The following AGBL1 variants were observed in gnomAD, a reference collection of about 807,000 sequenced individuals.
AGBL1 encodes the protein AGBL carboxypeptidase 1.
AGBL1 carries 130 observed loss-of-function variants against 118.9 expected under a neutral mutation model. The ratio of observed to expected loss-of-function variants is 1.09; its 90% CI spans 0.95 to 1.26. The LOEUF (loss-of-function observed/expected upper bound fraction) is 1.26, where lower values mean the gene tolerates loss of function less well. Ranked by LOEUF, AGBL1 falls within the 50% of genes most tolerant of loss-of-function variation. The probability of loss-of-function intolerance (pLI) is 0.00; values close to 1 mark genes in which losing one functional copy is unlikely to be tolerated. For synonymous variants in AGBL1, 555 were observed against 478.9 expected, an observed-to-expected ratio of 1.16 and a Z score of -2.08; for missense variants, 1,584 against 1,298.1, an observed-to-expected ratio of 1.22 and a Z score of -3.38.
chr15:86,995,038 T>C (rs1226185920), intron 24 of AGBL1, among the ~76,000 whole-genome samples: 1 of 152,148 alleles, frequency 6.6e-6, no homozygotes, highest in Non-Finnish European at 1.5e-5. Flanking sequence ...TGTTACATTA[T>C]TTCCTTTAAT....
chr15:86,430,669 G>A (rs1295376801), intron 18 of AGBL1, among the ~76,000 whole-genome samples: 2 of 152,140 alleles, frequency 1.3e-5, no homozygotes, highest in African/African-American at 4.8e-5. Context: ...AGATGCATCA[G>A]TAATTTGCTG....
intron 22 of AGBL1, among the ~76,000 whole-genome samples, chr15:86,783,235 T>C (rs1205513698): frequency 2.0e-5 from 3 of 152,342 alleles, no homozygotes; most frequent in Non-Finnish European, 4.4e-5. Context: ...TGTTTATTCT[T>C]CTACCACGAG....
At chr15:86,550,537 A>C (rs2142262641) in intron 20 of AGBL1, among the ~76,000 whole-genome samples, 1 of 152,300 alleles carries the variant, frequency 6.6e-6, no homozygotes, top group Non-Finnish European at 1.5e-5. Flanking sequence ...TAAGGGTGCA[A>C]TTCATAATAC....
At chr15:86,693,050 G>T (rs2086199348) in intron 22 of AGBL1, among the ~76,000 whole-genome samples, 1 of 152,050 alleles carries the variant, frequency 6.6e-6, no homozygotes, top group Non-Finnish European at 1.5e-5. Flanking sequence ...TTGCAATTGA[G>T]AATTGTGCTG....
chr15:86,533,024 G>A (rs997604796), intron 19 of AGBL1, among the ~76,000 whole-genome samples: 1 of 100,742 alleles, frequency 9.9e-6, no homozygotes, highest in African/African-American at 5.3e-5. Flanking sequence ...GAAAACCTAG[G>A]CATTACCATT....
chr15:86,665,438 G>C (rs1316850212), intron 21 of AGBL1, among the ~76,000 whole-genome samples: 1 of 152,156 alleles, frequency 6.6e-6, no homozygotes, highest in Non-Finnish European at 1.5e-5. Flanking sequence ...ATTTGGGGCT[G>C]AGAGTAAGCC....
At chr15:86,644,851 CAA>C (rs11434077) in intron 21 of AGBL1, among the ~76,000 whole-genome samples, 5 of 99,604 alleles carry the variant, frequency 5.0e-5, no homozygotes, top group Non-Finnish European at 9.4e-5. Context: ...ACTAAAAATA[CAA>C]AAAAAAAAAA....
intron 24 of AGBL1, among the ~76,000 whole-genome samples, chr15:87,017,587 C>G (rs1055097042): frequency 6.6e-6 from 1 of 152,076 alleles, no homozygotes; most frequent in African/African-American, 2.4e-5. Context: ...AACAGACAAA[C>G]AGAAAACAAC....
At chr15:86,466,313 A>T (rs1215360401) in intron 18 of AGBL1, among the ~76,000 whole-genome samples, 1 of 152,020 alleles carries the variant, frequency 6.6e-6, no homozygotes, top group Non-Finnish European at 1.5e-5. Context: ...TGCTTCATGA[A>T]GTTCTCTTGC....
intron 17 of AGBL1, among the ~76,000 whole-genome samples, chr15:86,321,977 G>A (rs1387717750): frequency 6.6e-6 from 1 of 151,592 alleles, no homozygotes; most frequent in East Asian, 1.9e-4. Flanking sequence ...TCTATTTAAT[G>A]TTGATTGTAA....
intron 22 of AGBL1, among the ~76,000 whole-genome samples, chr15:86,703,608 CT>C (rs1473962389): frequency 6.6e-6 from 1 of 152,070 alleles, no homozygotes; most frequent in African/African-American, 2.4e-5. Flanking sequence ...GTAATAATCC[CT>C]GTGGAAGGAC....
chr15:86,927,466 A>C (rs1235034875), intron 23 of AGBL1, among the ~76,000 whole-genome samples: 1 of 151,928 alleles, frequency 6.6e-6, no homozygotes, highest in Non-Finnish European at 1.5e-5. Context: ...CAGGCCTATA[A>C]GTCCTAGCTA....
chr15:87,011,252 C>A (rs989066379), intron 24 of AGBL1, among the ~76,000 whole-genome samples: 3 of 152,178 alleles, frequency 2.0e-5, no homozygotes, highest in African/African-American at 7.2e-5. Context: ...ATGGGAGGAG[C>A]CTGAGTACCT....
rs530872723 is a variant in AGBL1 at position 86,623,640 on chromosome 15, C to T, written c.2995-50633C>T. On this transcript the variant is annotated intron_variant, in intron 21 of 22. Transcript: ENST00000614907. The stretch of plus-strand genomic sequence containing the variant: ...CAGACAGTAATACTCTGAGATACTT[C>T]TAGGAACCAGTATATGACAAGAGAT... 2.6e-5 allele frequency among the ~76,000 whole-genome samples: 4 copies of T among 152,280 alleles called. No homozygotes were observed. The East Asian group carries it at 7.7e-4, about 29-fold the overall frequency.
At chr15:86,780,384 C>G (rs373702760) in intron 22 of AGBL1, among the ~76,000 whole-genome samples, 1 of 152,162 alleles carries the variant, frequency 6.6e-6, no homozygotes, top group Non-Finnish European at 1.5e-5. Context: ...TTTATAACAG[C>G]TCTCAATATC....
chr15:86,485,335 A>G (rs1428997910), intron 18 of AGBL1, among the ~76,000 whole-genome samples: 1 of 152,174 alleles, frequency 6.6e-6, no homozygotes, highest in Non-Finnish European at 1.5e-5. Context: ...AGACTTTAAG[A>G]GCCAATACCA....
chr15:86,191,359 A>T (rs1396698463), intron 5 of AGBL1, among the ~76,000 whole-genome samples: 1 of 150,304 alleles, frequency 6.7e-6, no homozygotes, highest in African/African-American at 2.4e-5. Context: ...AAAAAAAAAA[A>T]AAAAAAAAAA....
At chr15:86,758,533 T>C (rs1011421589) in intron 22 of AGBL1, among the ~76,000 whole-genome samples, 1 of 152,064 alleles carries the variant, frequency 6.6e-6, no homozygotes, top group Non-Finnish European at 1.5e-5. Flanking sequence ...TTGCAAACCA[T>C]TGTGGTCTAA....
chr15:86,106,181 A>T (rs1403065183), intron 1 of AGBL1, among the ~76,000 whole-genome samples: 1 of 152,248 alleles, frequency 6.6e-6, no homozygotes, highest in African/African-American at 2.4e-5. Context: ...GGATATACAG[A>T]TAACAGGGTA....
Sources: gnomAD v4.1 joint callset for allele counts (sites outside exome capture counted in the v4.1 genomes callset) on GRCh38, gnomAD v4.1.1 for gene constraint, MANE v1.5 for transcripts, NCBI Gene and HGNC (gene_info 2026-07-23, HGNC 2026-07-21) for gene names.